SLC8A1: variants seen among roughly 807,000 people sequenced by gnomAD.
SLC8A1 encodes the protein sodium/calcium exchanger 1.
A neutral mutation model predicts 68.3 loss-of-function variants in SLC8A1; 18 were observed. The observed-to-expected ratio is 0.26, with a 90% CI of 0.18 to 0.39. SLC8A1 has a LOEUF of 0.39. Among genes scored for constraint, SLC8A1 ranks in the 10% least tolerant of loss-of-function variants. The pLI, the probability that SLC8A1 is intolerant of heterozygous loss-of-function variation, is 1.00. For synonymous variants in SLC8A1, 475 were observed against 415.5 expected (o/e 1.14, Z -1.74); for missense variants, 985 against 1,156.7 (o/e 0.85, Z 2.15).
At chr2:40,253,612 G>A (rs1292673802) in intron 2 of SLC8A1, among the ~76,000 whole-genome samples, 1 of 151,962 alleles carries the variant, frequency 6.6e-6, no homozygotes, top group Non-Finnish European at 1.5e-5. Flanking sequence ...GATCACCTGA[G>A]GTCAGGAGTT....
At chr2:40,194,935 G>T (rs2052673721) in intron 2 of SLC8A1, among the ~76,000 whole-genome samples, 1 of 152,066 alleles carries the variant, frequency 6.6e-6, no homozygotes. Flanking sequence ...CAGAAAATAT[G>T]GAAATCTAGA....
At chr2:40,130,652 T>C (rs576013642) in intron 7 of SLC8A1, among the ~76,000 whole-genome samples, 54 of 152,246 alleles carry the variant, frequency 3.5e-4, no homozygotes, top group Non-Finnish European at 6.0e-4. Context: ...TGCCCTTTAG[T>C]AGCCTCTTGG....
At chr2:40,118,905 A>G (rs983448693) in intron 7 of SLC8A1, among the ~76,000 whole-genome samples, 2 of 152,010 alleles carry the variant, frequency 1.3e-5, no homozygotes, top group South Asian at 4.2e-4. Flanking sequence ...TACATTGCAC[A>G]CTGGACTTCC....
chr2:40,351,950 T>G, intron 2 of SLC8A1, among the ~76,000 whole-genome samples: 1 of 152,320 alleles, frequency 6.6e-6, no homozygotes, highest in Middle Eastern at 3.4e-3. Flanking sequence ...AAACAGGGTA[T>G]ATGTGCATTC....
At chr2:40,262,339 C>A (rs1324036530) in intron 2 of SLC8A1, among the ~76,000 whole-genome samples, 1 of 152,190 alleles carries the variant, frequency 6.6e-6, no homozygotes, top group East Asian at 1.9e-4. Flanking sequence ...TAGTTTGTCT[C>A]TTTAAACCAA....
At chr2:40,258,389 A>T (rs1237157176) in intron 2 of SLC8A1, among the ~76,000 whole-genome samples, 1 of 152,208 alleles carries the variant, frequency 6.6e-6, no homozygotes, top group Non-Finnish European at 1.5e-5. Flanking sequence ...AGTAACTGAC[A>T]TTCGTATTTC....
At chr2:40,420,799 C>T (rs1419782507) in intron 2 of SLC8A1, among the ~76,000 whole-genome samples, 1 of 152,112 alleles carries the variant, frequency 6.6e-6, no homozygotes, top group African/African-American at 2.4e-5. Context: ...CATATTCCTC[C>T]TTGTGTATGA....
chr2:40,260,395 C>T (rs1172712407), intron 2 of SLC8A1, among the ~76,000 whole-genome samples: 3 of 152,180 alleles, frequency 2.0e-5, no homozygotes, highest in Non-Finnish European at 4.4e-5. Context: ...TCTTTACCAA[C>T]CTCACCAAAT....
intron 1 of SLC8A1, among the ~76,000 whole-genome samples, chr2:40,472,838 T>G (rs1297654734): frequency 6.6e-6 from 1 of 152,198 alleles, no homozygotes. Context: ...CTAAGTCTAC[T>G]AGAAGCACAC....
intron 2 of SLC8A1, among the ~76,000 whole-genome samples, chr2:40,422,976 G>C (rs533122538): frequency 6.6e-6 from 1 of 152,146 alleles, no homozygotes; most frequent in East Asian, 1.9e-4. Flanking sequence ...TGTATGAAAA[G>C]CATTTGAGAA....
chr2:40,408,436 T>A (rs1314119060), intron 2 of SLC8A1, among the ~76,000 whole-genome samples: 1 of 152,188 alleles, frequency 6.6e-6, no homozygotes, highest in Non-Finnish European at 1.5e-5. Context: ...GTGAAGAGAT[T>A]CTCTCCTGTT....
intron 2 of SLC8A1, among the ~76,000 whole-genome samples, chr2:40,184,815 G>C (rs2050343028): frequency 7.2e-6 from 1 of 139,490 alleles, no homozygotes; most frequent in Non-Finnish European, 1.5e-5. Context: ...CAAGGAGTTT[G>C]AAATTTAATC....
At chr2:40,102,163 TATG>T (rs1035954329) in exon 8 of SLC8A1, 2 of 152,164 alleles carry the variant, frequency 1.3e-5, no homozygotes, top group African/African-American at 4.8e-5. Context: ...ATAAGTAAAA[TATG>T]ATTCAAAATG....
intron 2 of SLC8A1, among the ~76,000 whole-genome samples, chr2:40,194,563 A>G (rs746382963): frequency 6.6e-5 from 10 of 151,968 alleles, no homozygotes; most frequent in African/African-American, 2.4e-4. Context: ...ACAGAGATAG[A>G]ATAAAATGTC....
At chr2:40,450,222 C>G (rs1265567273) in intron 1 of SLC8A1, among the ~76,000 whole-genome samples, 1 of 152,128 alleles carries the variant, frequency 6.6e-6, no homozygotes, top group African/African-American at 2.4e-5. Context: ...GAAAGAGGAA[C>G]CTAAAACCAA....
At chr2:40,099,912 C>T (rs571824909) in exon 8 of SLC8A1, 2 of 152,130 alleles carry the variant, frequency 1.3e-5, no homozygotes, top group South Asian at 2.1e-4. Flanking sequence ...GTTCTGTGCA[C>T]GTACACAGTA....
chr2:40,112,677 G>A (rs968637001), exon 8 of SLC8A1: 3 of 148,484 alleles, frequency 2.0e-5, no homozygotes, highest in African/African-American at 7.5e-5. Flanking sequence ...AAAAAATAAG[G>A]ATGGGAAGGA....
chr2:40,492,415 A>C (rs1418763617), intron 1 of SLC8A1, among the ~76,000 whole-genome samples: 2 of 152,296 alleles, frequency 1.3e-5, no homozygotes, highest in East Asian at 3.9e-4. Context: ...AGGCATTACC[A>C]TTCAGGACAT....
intron 2 of SLC8A1, among the ~76,000 whole-genome samples, chr2:40,318,180 A>G (rs747751011): frequency 4.8e-4 from 73 of 152,186 alleles, no homozygotes; most frequent in Admixed American, 1.9e-3. Context: ...TAAAAACAAA[A>G]AGTCATAATC....
Sources: gnomAD v4.1 joint callset for allele counts (sites outside exome capture counted in the v4.1 genomes callset) on GRCh38, gnomAD v4.1.1 for gene constraint, MANE v1.5 for transcripts, NCBI Gene and HGNC (gene_info 2026-07-23, HGNC 2026-07-21) for gene names.